NCKAP1: variants seen among roughly 807,000 people sequenced by gnomAD.
The protein encoded by NCKAP1 is NCK associated protein 1.
In NCKAP1, 21 loss-of-function variants were observed where a neutral mutation model predicts 151.2. That is an observed-to-expected ratio of 0.14 (90% CI 0.10 to 0.20). The LOEUF (loss-of-function observed/expected upper bound fraction) is 0.20. NCKAP1 is among the 10% of genes least tolerant of loss of function. The pLI is 1.00. For synonymous variants in NCKAP1, 484 were observed against 451.8 expected, an observed-to-expected ratio of 1.07 and a Z score of -0.90; for missense variants, 933 against 1,352.1, an observed-to-expected ratio of 0.69 and a Z score of 4.86.
chr2:182,994,010 A>AAAAC (rs138582148), intron 8 of NCKAP1, among the ~76,000 whole-genome samples: 3 of 152,184 alleles, frequency 2.0e-5, no homozygotes, highest in Non-Finnish European at 4.4e-5. Context: ...AAAACGAAGG[A>AAAAC]AAACAAACAA....
At chr2:182,978,709 G>T in intron 14 of NCKAP1, 125 bp downstream of exon 14, 1 of 474,866 alleles carries the variant, frequency 2.1e-6, no homozygotes, top group Non-Finnish European at 3.6e-6. Flanking sequence ...CTTTGCTTCA[G>T]AGAACAAAAT....
At chr2:183,029,176 T>C (rs916988451) in intron 1 of NCKAP1, among the ~76,000 whole-genome samples, 2 of 152,016 alleles carry the variant, frequency 1.3e-5, no homozygotes, top group Non-Finnish European at 2.9e-5. Context: ...TAAGTTCCTT[T>C]TAAAACACAA....
intron 2 of NCKAP1, among the ~76,000 whole-genome samples, chr2:183,022,479 T>C (rs549760177): frequency 1.2e-4 from 18 of 152,312 alleles, no homozygotes; most frequent in East Asian, 9.7e-4. Flanking sequence ...CTTTAATATA[T>C]TGATATATTA....
At chr2:183,021,747 A>G (rs552007481) in intron 2 of NCKAP1, among the ~76,000 whole-genome samples, 2 of 152,190 alleles carry the variant, frequency 1.3e-5, no homozygotes, top group Non-Finnish European at 2.9e-5. Context: ...AGGCACAGAG[A>G]CAGAAAAAGT....
chr2:182,960,433 C>A (rs1174657609), intron 18 of NCKAP1, among the ~76,000 whole-genome samples: 1 of 152,160 alleles, frequency 6.6e-6, no homozygotes, highest in Non-Finnish European at 1.5e-5. Flanking sequence ...TGCCGCATAT[C>A]TACAACCATC....
At chr2:182,978,995 A>G (rs1010158904) in intron 13 of NCKAP1, 80 bp from the exon 14 acceptor site, 29 of 853,940 alleles carry the variant, frequency 3.4e-5, no homozygotes, top group Non-Finnish European at 5.5e-5. Context: ...TGGACGGATA[A>G]ACAAACTGGT....
intron 2 of NCKAP1, among the ~76,000 whole-genome samples, chr2:183,005,621 C>T (rs1410126386): frequency 6.6e-6 from 1 of 152,088 alleles, no homozygotes; most frequent in Non-Finnish European, 1.5e-5. Context: ...TATAACTAGA[C>T]TCTACTTAGC....
chr2:182,950,848 T>C (rs899804242), intron 23 of NCKAP1, among the ~76,000 whole-genome samples: 10 of 152,084 alleles, frequency 6.6e-5, no homozygotes, highest in African/African-American at 2.4e-4. Context: ...TTTTCTTTTT[T>C]TTGAGACAGA....
At position 182,984,088 on chromosome 2, in the gene NCKAP1, C is replaced by T. The variant is rs188893454; in HGVS notation, c.1005-706G>A. On this transcript the variant is annotated intron_variant, in intron 10 of 30. Coordinates refer to ENST00000361354, the MANE Select transcript of NCKAP1 (RefSeq NM_013436.5). Reference sequence around the variant, plus strand: ...TGACTAACTGTATACATTTTTGTCACTTCCATAAAGAAATTAATAAATAGA... The same window carrying T: ...TGACTAACTGTATACATTTTTGTCATTTCCATAAAGAAATTAATAAATAGA... 9.5e-4 allele frequency among the ~76,000 whole-genome samples: 144 copies of T among 151,484 alleles called. 2 individuals carry two copies. The highest frequency in any genetic ancestry group is 1.6e-4 in the Non-Finnish European group (11 of 67,892).
chr2:182,943,526 C>T (rs1171339066), intron 23 of NCKAP1, among the ~76,000 whole-genome samples: 1 of 152,034 alleles, frequency 6.6e-6, no homozygotes, highest in Non-Finnish European at 1.5e-5. Context: ...ATTCAATACA[C>T]ACTCAAACTC....
At position 183,037,873 on chromosome 2, in the gene NCKAP1, G is replaced by C; in HGVS notation, c.108+119C>G. 3 of 719,912 alleles carry C rather than the reference G, an allele frequency of 4.2e-6. No individual in the cohort carries two copies. The South Asian group carries it at 6.9e-5, about 16-fold the overall frequency. 44.6% of individuals were successfully genotyped at this position (719,912 alleles called of 1,614,324 possible). A position where few individuals can be genotyped will look rare whatever the true frequency, so the allele number is the denominator to read the frequency against. ...GGCGACCCCGGGCCGGGCCTCGGGC[G>C]GCGACGCCGAGATTTCTACACCCGG... On this transcript the variant is annotated intron_variant, in intron 1 of 30. Coordinates refer to ENST00000361354, the MANE Select transcript of NCKAP1 (RefSeq NM_013436.5).
At chr2:182,978,528 A>G (rs1052869228) in intron 14 of NCKAP1, among the ~76,000 whole-genome samples, 1 of 152,194 alleles carries the variant, frequency 6.6e-6, no homozygotes, top group Non-Finnish European at 1.5e-5. Context: ...CATTTTATAA[A>G]TGGCATTAAA....
intron 18 of NCKAP1, among the ~76,000 whole-genome samples, chr2:182,960,147 C>T (rs1697414957): frequency 5.3e-5 from 8 of 152,112 alleles, no homozygotes; most frequent in Admixed American, 5.2e-4. Flanking sequence ...GTGAAAATGG[C>T]TACACTGCCC....
chr2:182,979,705 GAAA>G (rs2105851222), intron 13 of NCKAP1, among the ~76,000 whole-genome samples: 1 of 152,178 alleles, frequency 6.6e-6, no homozygotes, highest in South Asian at 2.1e-4. Flanking sequence ...AGCAAATGGT[GAAA>G]AACATTGTGA....
In NCKAP1 at chr2:182,934,709, C is replaced by T. The variant is rs368791680; in HGVS notation, c.2859+43G>A. ...TCTTGCATATGTAATTTAAATATTTCGCTTTAGAGACTGTAAACCCCAACT... is the reference window on the plus strand; with the variant it reads ...TCTTGCATATGTAATTTAAATATTTTGCTTTAGAGACTGTAAACCCCAACT... On this transcript the variant is annotated intron_variant, in intron 26 of 30. Transcript: ENST00000361354. The T allele has an allele frequency of 1.9e-4, 179 of 951,704 alleles. 1 individual carries two copies. The highest frequency in any genetic ancestry group is 7.0e-4 in the Admixed American group (29 of 41,532). 59.0% of individuals were successfully genotyped at this position (951,704 alleles called of 1,614,324 possible).
intron 6 of NCKAP1, among the ~76,000 whole-genome samples, chr2:182,996,646 C>T (rs1184244591): frequency 2.6e-5 from 4 of 152,092 alleles, no homozygotes; most frequent in Admixed American, 1.3e-4. Flanking sequence ...TTAGTAGAGA[C>T]GGGGTTTCAC....
At chr2:182,973,503 C>G (rs1185027902) in intron 15 of NCKAP1, among the ~76,000 whole-genome samples, 2 of 151,928 alleles carry the variant, frequency 1.3e-5, no homozygotes, top group Non-Finnish European at 2.9e-5. Flanking sequence ...AGGAAAAGGA[C>G]AGAGAAAGAT....
At chr2:182,946,276 T>C (rs1362252859) in intron 23 of NCKAP1, among the ~76,000 whole-genome samples, 4 of 152,036 alleles carry the variant, frequency 2.6e-5, no homozygotes, top group Non-Finnish European at 5.9e-5. Context: ...GGTCGGCGCC[T>C]GTAGTCCCAA....
At chr2:182,969,765 T>C (rs544345329) in intron 15 of NCKAP1, among the ~76,000 whole-genome samples, 1 of 152,110 alleles carries the variant, frequency 6.6e-6, no homozygotes, top group African/African-American at 2.4e-5. Context: ...AATCCAAAGT[T>C]AGCAGAAGGA....
Sources: gnomAD v4.1 joint callset for allele counts (sites outside exome capture counted in the v4.1 genomes callset) on GRCh38, gnomAD v4.1.1 for gene constraint, MANE v1.5 for transcripts, NCBI Gene and HGNC (gene_info 2026-07-23, HGNC 2026-07-21) for gene names.